HIKESHI: variants seen among roughly 807,000 people sequenced by gnomAD.
The protein encoded by HIKESHI is heat shock protein nuclear import factor hikeshi, also known as protein Hikeshi.
Under a neutral mutation model 25.7 loss-of-function variants are expected in HIKESHI, and 13 were observed. The observed-to-expected ratio is 0.51, with a 90% CI of 0.33 to 0.80. The LOEUF (loss-of-function observed/expected upper bound fraction) is 0.80. Among genes scored for constraint, HIKESHI ranks in the 30% least tolerant of loss-of-function variants. The pLI is 0.02. For missense variants in HIKESHI, 174 were observed against 229.5 expected (o/e 0.76, Z 1.56); for synonymous variants, 76 against 78.7 (o/e 0.97, Z 0.18).
chr11:86,307,866 A>G (rs1946693763), intron 2 of HIKESHI, among the ~76,000 whole-genome samples: 2 of 127,982 alleles, frequency 1.6e-5, no homozygotes, highest in South Asian at 4.6e-4. Flanking sequence ...TATACATTAT[A>G]TAAAATATAT....
chr11:86,308,559 T>TTTTTTTTATTTATTTATTTA (rs1555183542), intron 2 of HIKESHI, among the ~76,000 whole-genome samples: 1 of 142,534 alleles, frequency 7.0e-6, no homozygotes, highest in Admixed American at 7.4e-5. Flanking sequence ...CCATAATTCT[T>TTTTTTTTATTTATTTATTTA]TTTATTTATT....
At chr11:86,313,506 A>G (rs1320427015) in intron 2 of HIKESHI, among the ~76,000 whole-genome samples, 1 of 152,224 alleles carries the variant, frequency 6.6e-6, no homozygotes, top group Non-Finnish European at 1.5e-5. Flanking sequence ...TGCTGGGATT[A>G]CAGGCATGAA....
At chr11:86,309,255 A>G (rs1946768876) in intron 2 of HIKESHI, among the ~76,000 whole-genome samples, 2 of 151,910 alleles carry the variant, frequency 1.3e-5, no homozygotes, top group African/African-American at 2.4e-5. Flanking sequence ...TTTAATGATC[A>G]CCATTCTAAC....
chr11:86,327,580 C>CT (rs1947317302), intron 2 of HIKESHI, among the ~76,000 whole-genome samples: 1 of 152,130 alleles, frequency 6.6e-6, no homozygotes. Context: ...TCTCAAAGTG[C>CT]TGGGATTACA....
intron 3 of HIKESHI, among the ~76,000 whole-genome samples, chr11:86,341,714 C>T (rs7943278): frequency 0.032 from 4,828 of 152,106 alleles, 246 homozygotes; most frequent in African/African-American, 0.11. Flanking sequence ...TTTTGTTCTA[C>T]TGTTGACTGA....
At chr11:86,310,366 T>G (rs1343794861) in intron 2 of HIKESHI, among the ~76,000 whole-genome samples, 11 of 152,224 alleles carry the variant, frequency 7.2e-5, no homozygotes, top group Non-Finnish European at 1.5e-5. Flanking sequence ...GGCTCTCTGT[T>G]TGTCTGTTAT....
At chr11:86,344,419 C>T (rs981488527) in intron 3 of HIKESHI, 184 bp from the exon 4 acceptor site, 1 of 445,906 alleles carries the variant, frequency 2.2e-6, no homozygotes, top group Non-Finnish European at 4.0e-6. Context: ...TCTCCTGCCT[C>T]AGCCTCCCAA....
At chr11:86,308,972 A>C (rs1424587355) in intron 2 of HIKESHI, among the ~76,000 whole-genome samples, 8 of 151,804 alleles carry the variant, frequency 5.3e-5, no homozygotes, top group Non-Finnish European at 1.0e-4. Context: ...TCTATCATTG[A>C]TGGACATTTG....
At chr11:86,344,213 T>C (rs1947808163) in intron 3 of HIKESHI, 1 of 155,608 alleles carries the variant, frequency 6.4e-6, no homozygotes, top group South Asian at 2.1e-4. Context: ...GATGCAGACA[T>C]GGAGATGAAA....
chr11:86,306,237 T>C lies in HIKESHI; in HGVS notation c.31-8T>C. On this transcript the variant is annotated splice_polypyrimidine_tract_variant and splice_region_variant and intron_variant, in intron 1 of 4. Transcript: ENST00000278483. Reference sequence around the variant, plus strand: ...CCATTGAACTGAGACAAGTTTCTTATTTTCTAGGTGCAAACAGCTGCACAG... The same window carrying C: ...CCATTGAACTGAGACAAGTTTCTTACTTTCTAGGTGCAAACAGCTGCACAG... 1 of 1,598,214 alleles carries C rather than the reference T, an allele frequency of 6.3e-7. No homozygotes were observed. Among genetic ancestry groups the C allele is most frequent in the Non-Finnish European group, 8.6e-7 (1 of 1,167,644 alleles).
At chr11:86,324,296 C>T (rs930677823) in intron 2 of HIKESHI, 9 of 152,206 alleles carry the variant, frequency 5.9e-5, no homozygotes, top group Non-Finnish European at 7.3e-5. Context: ...CAGATGCACA[C>T]CAATATGTTT....
intron 3 of HIKESHI, among the ~76,000 whole-genome samples, chr11:86,338,732 C>A (rs955912934): frequency 1.3e-5 from 2 of 152,062 alleles, no homozygotes; most frequent in African/African-American, 4.8e-5. Context: ...GACTCTGGGT[C>A]TCAAAAATGT....
chr11:86,325,452 G>A (rs553068152), intron 2 of HIKESHI, among the ~76,000 whole-genome samples: 1 of 152,276 alleles, frequency 6.6e-6, no homozygotes, highest in South Asian at 2.1e-4. Flanking sequence ...GGAACAATCT[G>A]TGGGTGATGG....
Position 86,304,511 on chromosome 11 carries a change from A to C in HIKESHI, c.31-1734A>C, listed in dbSNP as rs181177114. Among the ~76,000 whole-genome samples the C allele has an allele frequency of 1.8e-3, 244 of 137,254 alleles. 1 individual carries two copies. Among genetic ancestry groups the C allele is most frequent in the African/African-American group, 6.6e-3 (240 of 36,428 alleles). The allele number at this position is 137,254 out of a possible 152,430, so 90.0% of individuals were successfully genotyped here. On this transcript the variant is annotated intron_variant, in intron 1 of 4. Transcript: ENST00000278483. ...TGCCAGTGTGTGAGTTGCACAACTC[A>C]CTTTTTTTTTTTTTTTTTTTTTTGA...
intron 2 of HIKESHI, among the ~76,000 whole-genome samples, chr11:86,307,812 ATAT>A (rs1946688271): frequency 8.2e-6 from 1 of 121,896 alleles, no homozygotes; most frequent in Non-Finnish European, 1.6e-5. Flanking sequence ...TATAAAATAT[ATAT>A]TATGTGTAAT....
chr11:86,322,529 C>G (rs778953993), intron 2 of HIKESHI, among the ~76,000 whole-genome samples: 1 of 151,384 alleles, frequency 6.6e-6, no homozygotes, highest in Non-Finnish European at 1.5e-5. Context: ...GTATTTTTTC[C>G]CAGTCTGTTG....
chr11:86,326,966 C>T (rs1947297311), intron 2 of HIKESHI, among the ~76,000 whole-genome samples: 1 of 151,982 alleles, frequency 6.6e-6, no homozygotes, highest in African/African-American at 2.4e-5. Flanking sequence ...TGGCGTGTGC[C>T]TATAGTCCTA....
intron 3 of HIKESHI, among the ~76,000 whole-genome samples, chr11:86,338,256 A>T (rs1310816300): frequency 6.6e-6 from 1 of 152,190 alleles, no homozygotes; most frequent in African/African-American, 2.4e-5. Context: ...GATTCCACAT[A>T]TAAGTGAGAT....
intron 2 of HIKESHI, among the ~76,000 whole-genome samples, chr11:86,307,235 CATCATATATCAAAT>C (rs1946656690): frequency 2.8e-5 from 2 of 70,380 alleles, no homozygotes; most frequent in African/African-American, 1.1e-4. Flanking sequence ...GTGTAATATA[CATCATATATCAAAT>C]ATATATTATG....
Sources: allele counts gnomAD v4.1 joint callset (sites outside exome capture counted in the v4.1 genomes callset), GRCh38; gene constraint gnomAD v4.1.1; transcripts MANE v1.5; gene names NCBI Gene and HGNC (gene_info 2026-07-23, HGNC 2026-07-21).